Variants in TGFBR3 observed in about 807,000 individuals in gnomAD.
TGFBR3 encodes the protein transforming growth factor beta receptor 3.
Under a neutral mutation model 87.9 loss-of-function variants are expected in TGFBR3, and 46 were observed. The ratio of observed to expected loss-of-function variants is 0.52; its 90% CI spans 0.41 to 0.67. The LOEUF is 0.67. Among genes scored for constraint, TGFBR3 ranks in the 30% least tolerant of loss-of-function variants. The pLI is 0.00. For missense variants in TGFBR3, 866 were observed against 1,041.9 expected, an observed-to-expected ratio of 0.83 and a Z score of 2.32; for synonymous variants, 381 against 391.6, an observed-to-expected ratio of 0.97 and a Z score of 0.32.
intron 16 of TGFBR3, among the ~76,000 whole-genome samples, chr1:91,689,145 C>T (rs2100697572): frequency 6.6e-6 from 1 of 152,094 alleles, no homozygotes; most frequent in East Asian, 1.9e-4. Context: ...CCATTCATAC[C>T]CTTCCCCCTT....
At chr1:91,861,124 A>G (rs2489191) in intron 2 of TGFBR3, among the ~76,000 whole-genome samples, 149,797 of 152,146 alleles carry the variant, frequency 0.98, 73,788 homozygotes, top group East Asian at 1. Context: ...AATACAGGTC[A>G]GGCACAGTGG....
At chr1:91,903,056 G>T (rs1381047629) in intron 1 of TGFBR3, among the ~76,000 whole-genome samples, 6 of 151,318 alleles carry the variant, frequency 4.0e-5, no homozygotes, top group African/African-American at 1.5e-4. Flanking sequence ...TTGAGGCCGG[G>T]CATGGTGGCT....
chr1:91,841,529 TTA>T (rs1677280060), intron 2 of TGFBR3, among the ~76,000 whole-genome samples: 1 of 151,904 alleles, frequency 6.6e-6, no homozygotes, highest in Non-Finnish European at 1.5e-5. Flanking sequence ...GCGCAGTGGC[TTA>T]CACCTGTAAT....
upstream of TGFBR3, among the ~76,000 whole-genome samples, chr1:91,888,112 T>C (rs1679374527): frequency 6.6e-6 from 1 of 152,174 alleles, no homozygotes. Flanking sequence ...TGAATAAGTC[T>C]CACGAGATCT....
At chr1:91,769,812 A>G (rs1395698358) in intron 3 of TGFBR3, among the ~76,000 whole-genome samples, 1 of 152,124 alleles carries the variant, frequency 6.6e-6, no homozygotes, top group Non-Finnish European at 1.5e-5. Flanking sequence ...CTATTTCCCT[A>G]GAGATGGGAG....
chr1:91,789,289 A>G (rs1237138338), intron 3 of TGFBR3, among the ~76,000 whole-genome samples: 2 of 152,218 alleles, frequency 1.3e-5, no homozygotes, highest in Non-Finnish European at 2.9e-5. Flanking sequence ...CCTAGGCGAC[A>G]GAGTGAGACT....
At chr1:91,754,339 T>C (rs1673663156) in intron 4 of TGFBR3, among the ~76,000 whole-genome samples, 1 of 152,196 alleles carries the variant, frequency 6.6e-6, no homozygotes, top group South Asian at 2.1e-4. Context: ...TAAGAGATTA[T>C]TTGCAGTTTC....
chr1:91,788,906 G>C lies in TGFBR3; in HGVS notation c.246+8381C>G, dbSNP rs575546330. On this transcript the variant is annotated intron_variant, in intron 3 of 16. Coordinates refer to ENST00000212355, the MANE Select transcript of TGFBR3 (RefSeq NM_003243.5). ...AATTCTTTTTTTAAAGCCAAGGGCA[G>C]TTACCATGGCAACAGTAGTACAGGT... 2.6e-5 allele frequency among the ~76,000 whole-genome samples: 4 copies of C among 152,322 alleles called. No individual in the cohort carries two copies. The South Asian group carries it at 8.3e-4, about 32-fold the overall frequency.
At chr1:91,721,796 C>T (rs189970140) in intron 8 of TGFBR3, among the ~76,000 whole-genome samples, 159 bp downstream of exon 8, 1 of 152,270 alleles carries the variant, frequency 6.6e-6, no homozygotes. Context: ...TCCTCAAAAT[C>T]TCTGTCTAGG....
At chr1:91,722,222 A>C (rs934640306) in intron 7 of TGFBR3, 78 bp from the exon 8 acceptor site, 12 of 1,150,482 alleles carry the variant, frequency 1.0e-5, no homozygotes, top group Non-Finnish European at 1.5e-5. Context: ...AATATCTTAA[A>C]TAAGTAGATT....
chr1:91,840,422 T>C (rs1571562365), intron 2 of TGFBR3, among the ~76,000 whole-genome samples: 2 of 149,888 alleles, frequency 1.3e-5, no homozygotes, highest in South Asian at 4.2e-4. Flanking sequence ...TGTAATATCA[T>C]GCATGATTTT....
intron 13 of TGFBR3, among the ~76,000 whole-genome samples, chr1:91,711,422 A>C (rs948605873): frequency 4.6e-5 from 7 of 152,244 alleles, no homozygotes; most frequent in Non-Finnish European, 8.8e-5. Flanking sequence ...CTGTGAGTTA[A>C]ATGAGAAAAT....
chr1:91,794,553 T>G (rs889324404), intron 3 of TGFBR3, among the ~76,000 whole-genome samples: 17 of 152,196 alleles, frequency 1.1e-4, no homozygotes, highest in Non-Finnish European at 2.5e-4. Context: ...CTCCATTTCC[T>G]TCTTTCCCCT....
In TGFBR3 at chr1:91,793,192, A is replaced by G. The variant is rs189189831; in HGVS notation, c.246+4095T>C. Reference sequence around the variant, plus strand: ...ACTACTTTTGGGTGTAGGCTCTGTCACCGCCTCTACACAGGAAAATTAAAA... The same window carrying G: ...ACTACTTTTGGGTGTAGGCTCTGTCGCCGCCTCTACACAGGAAAATTAAAA... On this transcript the variant is annotated intron_variant, in intron 3 of 16. Coordinates refer to ENST00000212355, the MANE Select transcript of TGFBR3 (RefSeq NM_003243.5). 2.0e-3 allele frequency among the ~76,000 whole-genome samples: 301 copies of G among 149,884 alleles called. 1 individual carries two copies. The highest frequency in any genetic ancestry group is 0.014 in the East Asian group (69 of 5,030).
chr1:91,717,874 C>CTTTTT (rs56325630), intron 10 of TGFBR3, among the ~76,000 whole-genome samples: 4 of 146,266 alleles, frequency 2.7e-5, no homozygotes, highest in Non-Finnish European at 4.5e-5. Context: ...AAGCAACTGA[C>CTTTTT]TTTTTTTTTT....
intron 3 of TGFBR3, among the ~76,000 whole-genome samples, chr1:91,783,904 A>C (rs1321856615): frequency 6.6e-6 from 1 of 152,204 alleles, no homozygotes; most frequent in Non-Finnish European, 1.5e-5. Context: ...CAATATTAAG[A>C]ATTGGCTGGA....
intron 2 of TGFBR3, among the ~76,000 whole-genome samples, chr1:91,798,386 G>T (rs1675470361): frequency 6.6e-6 from 1 of 152,148 alleles, no homozygotes; most frequent in South Asian, 2.1e-4. Context: ...GAGCACAGGA[G>T]GCCCTTCTTG....
chr1:91,711,576 C>T (rs757417046), intron 13 of TGFBR3, among the ~76,000 whole-genome samples: 3 of 152,164 alleles, frequency 2.0e-5, no homozygotes, highest in Non-Finnish European at 4.4e-5. Flanking sequence ...ATAATTATGG[C>T]AGATCACAGA....
chr1:91,890,747 A>C (rs1017964106), upstream of TGFBR3, among the ~76,000 whole-genome samples: 8 of 152,042 alleles, frequency 5.3e-5, no homozygotes, highest in Non-Finnish European at 8.8e-5. Flanking sequence ...TTAGGAAATG[A>C]TGCACAGAGA....
Sources: allele counts gnomAD v4.1 joint callset (sites outside exome capture counted in the v4.1 genomes callset), GRCh38; gene constraint gnomAD v4.1.1; transcripts MANE v1.5; gene names NCBI Gene and HGNC (gene_info 2026-07-23, HGNC 2026-07-21).